Variants in PARP8 observed in about 807,000 individuals in gnomAD.
The protein encoded by PARP8 is protein mono-ADP-ribosyltransferase PARP8.
Under a neutral mutation model 124.1 loss-of-function variants are expected in PARP8, and 51 were observed. The observed-to-expected ratio is 0.41, with a 90% CI of 0.33 to 0.52. PARP8 has a LOEUF of 0.52. PARP8 is among the 20% of genes least tolerant of loss of function. The probability of loss-of-function intolerance (pLI) is 0.21; values close to 1 mark genes in which losing one functional copy is unlikely to be tolerated. For missense variants in PARP8, 860 were observed against 1,018.9 expected, an observed-to-expected ratio of 0.84 and a Z score of 2.12; for synonymous variants, 391 against 361.5, an observed-to-expected ratio of 1.08 and a Z score of -0.93.
intron 3 of PARP8, among the ~76,000 whole-genome samples, chr5:50,758,771 A>C (rs1425735567): frequency 6.6e-6 from 1 of 152,216 alleles, no homozygotes; most frequent in East Asian, 1.9e-4. Flanking sequence ...AAAGAAAAAT[A>C]AATACCTAAG....
intron 2 of PARP8, chr5:50,744,954 G>GT (rs1284124505): frequency 1.3e-5 from 7 of 544,590 alleles, no homozygotes; most frequent in African/African-American, 7.6e-5. Flanking sequence ...TTCTTTCCAC[G>GT]TTTTTTTGGT....
chr5:50,699,026 C>G (rs1753316579), intron 2 of PARP8, among the ~76,000 whole-genome samples: 1 of 152,188 alleles, frequency 6.6e-6, no homozygotes. Context: ...TTTTCCACAT[C>G]CCTTTGTTCA....
chr5:50,778,743 A>C, intron 9 of PARP8, 93 bp downstream of exon 9: 1 of 662,016 alleles, frequency 1.5e-6, no homozygotes, highest in African/African-American at 1.9e-5. Context: ...AGTTCTGAGC[A>C]AAAGTGCTAA....
At chr5:50,703,319 T>C (rs1044217745) in intron 2 of PARP8, among the ~76,000 whole-genome samples, 2 of 151,166 alleles carry the variant, frequency 1.3e-5, no homozygotes, top group African/African-American at 4.9e-5. Flanking sequence ...AAAAAAAGTC[T>C]TGTAAAGGCA....
intron 18 of PARP8, among the ~76,000 whole-genome samples, chr5:50,826,198 T>A (rs770020122): frequency 2.5e-4 from 38 of 152,102 alleles, no homozygotes; most frequent in Non-Finnish European, 4.6e-4. Context: ...AAACTTATTA[T>A]TTTGTGTGCT....
At chr5:50,775,153 G>T (rs1739838561) in intron 7 of PARP8, among the ~76,000 whole-genome samples, 1 of 151,982 alleles carries the variant, frequency 6.6e-6, no homozygotes, top group Admixed American at 6.5e-5. Context: ...TCCTAGACAG[G>T]GTGGCAGCCG....
At chr5:50,747,761 CTTTTTTTT>C (rs70972943) in intron 2 of PARP8, among the ~76,000 whole-genome samples, 5,718 of 53,136 alleles carry the variant, frequency 0.11, 427 homozygotes, top group African/African-American at 0.28. Context: ...ATAGACCTTG[CTTTTTTTT>C]TTTTTTTTTT....
In PARP8 at chr5:50,694,376, TTTGA is replaced by T. The variant is rs566506000; in HGVS notation, c.146+26254_146+26257del. On this transcript the variant is annotated intron_variant, in intron 2 of 25. Transcript: ENST00000281631. ...TTAAATTGCATTTATTTGATATTGA[TTTGA>T]TTATTAATTTGCATTTATTTAATTT... Among the ~76,000 whole-genome samples the T allele has an allele frequency of 2.6e-3, 398 of 152,328 alleles. 1 individual carries two copies. The highest frequency in any genetic ancestry group is 8.8e-3 in the African/African-American group (366 of 41,578).
chr5:50,776,994 G>A (rs1439483302), intron 7 of PARP8, among the ~76,000 whole-genome samples: 4 of 152,110 alleles, frequency 2.6e-5, no homozygotes, highest in Non-Finnish European at 5.9e-5. Context: ...CAAAATGAAT[G>A]TCGTAATATT....
Position 50,707,511 on chromosome 5 carries a change from C to T in PARP8, c.146+39386C>T, listed in dbSNP as rs922057381. ...GAAGGTTTGATTAAAATTCTTAAGT[C>T]ATTAAAGCTAACCTTTTAAAATCTG... is the stretch of plus-strand genomic sequence containing the variant. On this transcript the variant is annotated intron_variant, in intron 2 of 25. Transcript: ENST00000281631. 9.2e-5 allele frequency among the ~76,000 whole-genome samples: 14 copies of T among 151,864 alleles called. 1 individual carries two copies. The highest frequency in any genetic ancestry group is 3.4e-4 in the African/African-American group (14 of 41,366).
At chr5:50,696,783 A>T (rs892780062) in intron 2 of PARP8, among the ~76,000 whole-genome samples, 12 of 151,620 alleles carry the variant, frequency 7.9e-5, no homozygotes, top group African/African-American at 2.9e-4. Flanking sequence ...CTTGCCCCCT[A>T]ATCTGTTGCT....
intron 7 of PARP8, among the ~76,000 whole-genome samples, chr5:50,763,469 G>A (rs932108201): frequency 3.9e-5 from 6 of 152,000 alleles, no homozygotes; most frequent in African/African-American, 1.2e-4. Context: ...TGGAGAGTTA[G>A]TTTGAAGACA....
chr5:50,822,540 C>A lies in PARP8; in HGVS notation c.1860+140C>A, dbSNP rs541351104. The A allele has an allele frequency of 6.3e-6, 4 of 635,912 alleles. No individual in the cohort carries two copies. The South Asian group carries it at 8.0e-5, about 13-fold the overall frequency. 39.4% of individuals were successfully genotyped at this position (635,912 alleles called of 1,614,324 possible). ...TTAAGATGTTTTAATTAAATCACAT[C>A]AGTGTACTAGCATGTAACACTGTGA... On this transcript the variant is annotated intron_variant, in intron 17 of 25. Coordinates refer to ENST00000281631, the MANE Select transcript of PARP8 (RefSeq NM_024615.4).
At chr5:50,690,356 T>C (rs1382852115) in intron 2 of PARP8, among the ~76,000 whole-genome samples, 1 of 152,208 alleles carries the variant, frequency 6.6e-6, no homozygotes, top group Non-Finnish European at 1.5e-5. Context: ...TGAAGAGGTA[T>C]GGAGGAGGAA....
chr5:50,826,921 G>A, intron 19 of PARP8, 118 bp downstream of exon 19: 1 of 1,377,822 alleles, frequency 7.3e-7, no homozygotes, highest in South Asian at 1.5e-5. Flanking sequence ...GTAAACCCAG[G>A]TTAAATATAA....
rs1359638569 is a variant in PARP8, at chr5:50,710,531, T to C, written c.147-39620T>C. Among the ~76,000 whole-genome samples the C allele has an allele frequency of 2.0e-5, 3 of 152,104 alleles. No homozygotes were observed. The South Asian group carries it at 6.2e-4, about 31-fold the overall frequency. ...TTTTTTCTAAATTAAATAAACCTTT[T>C]TTATTTAGAAGAATCAGAGATTAGA... On this transcript the variant is annotated intron_variant, in intron 2 of 25. Coordinates refer to ENST00000281631, the MANE Select transcript of PARP8 (RefSeq NM_024615.4).
At position 50,846,283 on chromosome 5, in the gene PARP8, A is replaced by G. The variant is rs1249663930; in HGVS notation, c.*4215A>G. ...ATTTCTTGATTTTTGTGCACAGGAT[A>G]GTATTGCAACCTGCTATTTAGCCTT... On this transcript the variant is annotated 3_prime_UTR_variant, in exon 26 of 26. Coordinates refer to ENST00000281631, the MANE Select transcript of PARP8 (RefSeq NM_024615.4). The G allele has an allele frequency of 5.9e-5, 9 of 151,760 alleles. No homozygotes were observed. Among genetic ancestry groups the G allele is most frequent in the Admixed American group, 5.9e-4 (9 of 15,182 alleles). The allele number at this position is 151,760 out of a possible 1,614,324, so 9.4% of individuals were successfully genotyped here. A position where few individuals can be genotyped will look rare whatever the true frequency, so the allele number is the denominator to read the frequency against.
chr5:50,796,753 A>C (rs1476379382), intron 12 of PARP8, among the ~76,000 whole-genome samples: 4 of 152,186 alleles, frequency 2.6e-5, no homozygotes, highest in South Asian at 4.1e-4. Flanking sequence ...AGCAGCTAAG[A>C]GTGCTGTTCA....
intron 10 of PARP8, among the ~76,000 whole-genome samples, chr5:50,792,729 G>A (rs1272479176): frequency 2.0e-5 from 3 of 152,074 alleles, no homozygotes; most frequent in Non-Finnish European, 4.4e-5. Context: ...CTGACTGAGC[G>A]AATTTACTGT....
Sources: allele counts gnomAD v4.1 joint callset (sites outside exome capture counted in the v4.1 genomes callset), GRCh38; gene constraint gnomAD v4.1.1; transcripts MANE v1.5; gene names NCBI Gene and HGNC (gene_info 2026-07-23, HGNC 2026-07-21).